The following DIP2C variants were observed in gnomAD, a reference collection of about 807,000 sequenced individuals.
DIP2C encodes the protein DIP2 acetate--CoA ligase C (putative).
Under a neutral mutation model 192.4 loss-of-function variants are expected in DIP2C, and 33 were observed. The ratio of observed to expected loss-of-function variants is 0.17; its 90% CI spans 0.13 to 0.23. The LOEUF (loss-of-function observed/expected upper bound fraction) is 0.23, where lower values mean the gene tolerates loss of function less well. Ranked by LOEUF, DIP2C falls within the 10% of genes least tolerant of loss-of-function variation. The pLI, the probability that DIP2C is intolerant of heterozygous loss-of-function variation, is 1.00. For missense variants in DIP2C, 1,537 were observed against 2,110.1 expected, an observed-to-expected ratio of 0.73 and a Z score of 5.32; for synonymous variants, 979 against 864.1, an observed-to-expected ratio of 1.13 and a Z score of -2.33.
Position 545,825 on chromosome 10 carries a change from G to T in DIP2C, c.86-59295C>A, listed in dbSNP as rs1019535531. ...AGTTGTCCCAGCACCACTAAGTTGC[G>T]AAAGGAAAAAAGTAAAGCAACCCCT... On this transcript the variant is annotated intron_variant, in intron 1 of 36. Coordinates refer to ENST00000280886, the MANE Select transcript of DIP2C (RefSeq NM_014974.3). 1.2e-4 allele frequency among the ~76,000 whole-genome samples: 18 copies of T among 152,114 alleles called. No homozygotes were observed. The East Asian group carries it at 1.9e-3, about 16-fold the overall frequency.
At chr10:676,792 C>T (rs11253319) in intron 1 of DIP2C, among the ~76,000 whole-genome samples, 36,593 of 151,624 alleles carry the variant, frequency 0.24, 5,565 homozygotes, top group Non-Finnish European at 0.34. Context: ...GAAAGGGTGG[C>T]GGGAAGGGAG....
At chr10:634,983 T>C (rs894313153) in intron 1 of DIP2C, among the ~76,000 whole-genome samples, 1 of 152,104 alleles carries the variant, frequency 6.6e-6, no homozygotes, top group Non-Finnish European at 1.5e-5. Context: ...CAAGCAAGAT[T>C]TACGCAGACG....
At chr10:683,276 G>A (rs1831195913) in intron 1 of DIP2C, among the ~76,000 whole-genome samples, 1 of 152,232 alleles carries the variant, frequency 6.6e-6, no homozygotes, top group African/African-American at 2.4e-5. Context: ...AAGAGGCGGA[G>A]CCCTCGTTCC....
At chr10:456,046 G>A (rs1489489998) in intron 3 of DIP2C, among the ~76,000 whole-genome samples, 3 of 57,440 alleles carry the variant, frequency 5.2e-5, no homozygotes, top group Non-Finnish European at 8.7e-5. Flanking sequence ...ACTCTGCAGT[G>A]AGTCCCTGCC....
intron 3 of DIP2C, among the ~76,000 whole-genome samples, chr10:448,128 C>A (rs191840025): frequency 1.8e-5 from 2 of 110,232 alleles, no homozygotes; most frequent in African/African-American, 1.2e-4. Context: ...CCCATCTATA[C>A]TCAGGATCAC....
At chr10:650,484 C>G (rs749514474) in intron 1 of DIP2C, 1 of 703,492 alleles carries the variant, frequency 1.4e-6, no homozygotes, top group Non-Finnish European at 2.6e-6. Context: ...TCCACGGCCA[C>G]TTCTACTGGG....
intron 1 of DIP2C, among the ~76,000 whole-genome samples, chr10:588,550 A>C (rs1323100488): frequency 1.3e-5 from 2 of 152,196 alleles, no homozygotes; most frequent in African/African-American, 4.8e-5. Flanking sequence ...CGGGAAAGTG[A>C]CACCAGGGCC....
At chr10:406,589 A>T (rs372652588) in intron 9 of DIP2C, among the ~76,000 whole-genome samples, 3 of 152,248 alleles carry the variant, frequency 2.0e-5, no homozygotes, top group African/African-American at 7.2e-5. Flanking sequence ...GGTGGAGAAC[A>T]AACTAACCTT....
chr10:364,019 C>T (rs997487096), intron 20 of DIP2C, among the ~76,000 whole-genome samples: 1 of 152,236 alleles, frequency 6.6e-6, no homozygotes, highest in Admixed American at 6.5e-5. Context: ...TCACACAAGT[C>T]TGTGACTGAA....
intron 28 of DIP2C, among the ~76,000 whole-genome samples, chr10:342,788 G>C (rs1269309581): frequency 2.0e-5 from 3 of 152,126 alleles, no homozygotes; most frequent in Non-Finnish European, 4.4e-5. Context: ...ATCCCATCAT[G>C]ACCAGACAGT....
At chr10:517,046 G>A (rs1846409230) in intron 1 of DIP2C, among the ~76,000 whole-genome samples, 1 of 151,902 alleles carries the variant, frequency 6.6e-6, no homozygotes, top group South Asian at 2.1e-4. Context: ...TAAAAGTAGA[G>A]CACAGAGGTT....
In DIP2C at chr10:651,887, G is replaced by A. The variant is rs1855935885; in HGVS notation, c.85+37607C>T. 5.2e-6 allele frequency: 1 copy of A among 190,618 alleles called. No homozygotes were observed. The highest frequency in any genetic ancestry group is 1.1e-5 in the Non-Finnish European group (1 of 92,250). The allele number at this position is 190,618 out of a possible 1,614,324, so 11.8% of individuals were successfully genotyped here. A position where few individuals can be genotyped will look rare whatever the true frequency, so the allele number is the denominator to read the frequency against. ...ACCTGCTACTGCAAACGGCCTCGCT[G>A]TACTCAGGGAGTCGGTTCCAGGACC... is the stretch of plus-strand genomic sequence containing the variant. On this transcript the variant is annotated intron_variant, in intron 1 of 36. Transcript: ENST00000280886. This position sits in a 1 kb window ranked among gnomAD's most constrained non-coding sequence, Gnocchi z 4.1.
intron 29 of DIP2C, among the ~76,000 whole-genome samples, chr10:336,547 T>G (rs1477971925): frequency 1.3e-5 from 2 of 152,256 alleles, no homozygotes; most frequent in Non-Finnish European, 2.9e-5. Context: ...TATACAATTA[T>G]GTACACAACT....
chr10:610,802 G>GGT (rs1853044835), intron 1 of DIP2C, among the ~76,000 whole-genome samples: 1 of 150,240 alleles, frequency 6.7e-6, no homozygotes, highest in African/African-American at 2.5e-5. Context: ...GACTCATGGG[G>GGT]GTGGTTTCTA....
At chr10:525,767 A>T (rs923824007) in intron 1 of DIP2C, among the ~76,000 whole-genome samples, 2 of 152,176 alleles carry the variant, frequency 1.3e-5, no homozygotes, top group African/African-American at 4.8e-5. Context: ...GACTCAGCTA[A>T]CCCTGCGATG....
chr10:513,973 T>C (rs1350860776), intron 1 of DIP2C, among the ~76,000 whole-genome samples: 3 of 152,236 alleles, frequency 2.0e-5, no homozygotes, highest in African/African-American at 7.2e-5. Flanking sequence ...CTGAAATGTG[T>C]ACAGTCTTGG....
intron 1 of DIP2C, among the ~76,000 whole-genome samples, chr10:614,497 T>TCC (rs538000571): frequency 4.6e-5 from 7 of 151,922 alleles, no homozygotes; most frequent in African/African-American, 1.7e-4. Flanking sequence ...GCCTAAGGGA[T>TCC]CCCCCCACGA....
intron 1 of DIP2C, among the ~76,000 whole-genome samples, chr10:535,945 C>G (rs962970263): frequency 2.0e-5 from 3 of 152,220 alleles, no homozygotes; most frequent in Non-Finnish European, 2.9e-5. Flanking sequence ...CCATTGCTCC[C>G]GTAAGCTTCC....
chr10:551,351 G>A (rs991789313), intron 1 of DIP2C, among the ~76,000 whole-genome samples: 2 of 152,196 alleles, frequency 1.3e-5, no homozygotes, highest in African/African-American at 4.8e-5. Flanking sequence ...TGCCAGGGTA[G>A]GGCTTGGAGT....
Sources: allele counts gnomAD v4.1 joint callset (sites outside exome capture counted in the v4.1 genomes callset), GRCh38; gene constraint gnomAD v4.1.1; non-coding constraint Gnocchi (gnomAD v3.1); transcripts MANE v1.5; gene names NCBI Gene and HGNC (gene_info 2026-07-23, HGNC 2026-07-21).